MYO16: variants seen among roughly 807,000 people sequenced by gnomAD.
MYO16 encodes unconventional myosin-XVI.
Under a neutral mutation model 205.3 loss-of-function variants are expected in MYO16, and 94 were observed. The observed-to-expected ratio is 0.46, with a 90% CI of 0.39 to 0.54. The LOEUF (loss-of-function observed/expected upper bound fraction) is 0.54, where lower values mean the gene tolerates loss of function less well. MYO16 is among the 20% of genes least tolerant of loss of function. MYO16 has a pLI of 0.00. For missense variants in MYO16, 2,315 were observed against 2,387.5 expected (o/e 0.97, Z 0.63); for synonymous variants, 988 against 954.0 (o/e 1.04, Z -0.66).
chr13:108,698,588 A>G (rs749806239), intron 2 of MYO16, among the ~76,000 whole-genome samples: 2 of 152,176 alleles, frequency 1.3e-5, no homozygotes, highest in Non-Finnish European at 2.9e-5. Flanking sequence ...ATGCATGATG[A>G]AACTGCAGGG....
chr13:109,178,538 G>A (rs998933905), intron 33 of MYO16, among the ~76,000 whole-genome samples: 8 of 152,228 alleles, frequency 5.3e-5, no homozygotes, highest in Non-Finnish European at 8.8e-5. Flanking sequence ...TTTCAGAGGA[G>A]AGTAGTAATC....
At chr13:108,506,689 G>T in the MYO16 span, among the ~76,000 whole-genome samples, 5 of 152,004 alleles carry the variant, frequency 3.3e-5, no homozygotes, top group African/African-American at 4.8e-5. Context: ...TTCTTGTCTA[G>T]TTTCTCTGGT....
At chr13:109,186,023 A>C (rs1428606172) in intron 34 of MYO16, among the ~76,000 whole-genome samples, 1 of 152,032 alleles carries the variant, frequency 6.6e-6, no homozygotes, top group African/African-American at 2.4e-5. Flanking sequence ...TGAAATGTAC[A>C]GACTTTAGGG....
chr13:108,674,986 A>G (rs377728558), intron 2 of MYO16, among the ~76,000 whole-genome samples: 1 of 152,172 alleles, frequency 6.6e-6, no homozygotes, highest in African/African-American at 2.4e-5. Flanking sequence ...GAGAGAGGGA[A>G]GTGGCAGCTT....
At chr13:109,058,933 C>A (rs1397595465) in intron 27 of MYO16, among the ~76,000 whole-genome samples, 1 of 152,164 alleles carries the variant, frequency 6.6e-6, no homozygotes, top group Non-Finnish European at 1.5e-5. Context: ...TTCACAGCAT[C>A]TTCACCAGTA....
chr13:108,764,675 A>G (rs1480590154), intron 4 of MYO16, among the ~76,000 whole-genome samples: 1 of 152,170 alleles, frequency 6.6e-6, no homozygotes, highest in African/African-American at 2.4e-5. Flanking sequence ...CCTGGAACCC[A>G]TGATTTCTTT....
At chr13:108,948,367 G>A (rs1182737053) in intron 16 of MYO16, among the ~76,000 whole-genome samples, 1 of 152,212 alleles carries the variant, frequency 6.6e-6, no homozygotes, top group African/African-American at 2.4e-5. Flanking sequence ...TGTACTCTGC[G>A]AGTCTCTGAC....
intron 28 of MYO16, among the ~76,000 whole-genome samples, chr13:109,114,783 C>T (rs1413719013): frequency 6.6e-6 from 1 of 152,190 alleles, no homozygotes; most frequent in African/African-American, 2.4e-5. Flanking sequence ...TGAGCTTTCT[C>T]CTTTACTTTA....
intron 6 of MYO16, among the ~76,000 whole-genome samples, chr13:108,803,053 T>A (rs1887013124): frequency 6.6e-6 from 1 of 152,208 alleles, no homozygotes. Flanking sequence ...GTATCTTTAG[T>A]GTCTTTTTAT....
the MYO16 span, among the ~76,000 whole-genome samples, chr13:108,522,884 C>T: frequency 7.2e-4 from 110 of 152,092 alleles, 1 homozygote; most frequent in Admixed American, 7.1e-3. Context: ...CTGCAATGAC[C>T]CTACTTGGAA....
At chr13:108,642,670 G>A (rs1480090076) in intron 1 of MYO16, among the ~76,000 whole-genome samples, 3 of 152,038 alleles carry the variant, frequency 2.0e-5, no homozygotes, top group Non-Finnish European at 4.4e-5. Context: ...TGCTCGCCTA[G>A]GCCTCCCAAA....
At chr13:109,042,023 C>A (rs948414065) in intron 23 of MYO16, among the ~76,000 whole-genome samples, 7 of 152,210 alleles carry the variant, frequency 4.6e-5, no homozygotes, top group African/African-American at 1.7e-4. Context: ...TACCACCACA[C>A]CTGGCTAGTT....
At chr13:109,145,856 G>C (rs777076277) in intron 32 of MYO16, among the ~76,000 whole-genome samples, 4 of 152,108 alleles carry the variant, frequency 2.6e-5, no homozygotes, top group African/African-American at 7.2e-5. Context: ...AGGAAGACAG[G>C]GTCTTGACAA....
intron 23 of MYO16, among the ~76,000 whole-genome samples, chr13:109,023,692 T>C (rs1049655046): frequency 8.5e-6 from 1 of 117,644 alleles, no homozygotes; most frequent in African/African-American, 2.9e-5. Flanking sequence ...TATACATATA[T>C]ATGTATATAT....
At chr13:108,950,705 A>G (rs1883110980) in intron 16 of MYO16, among the ~76,000 whole-genome samples, 1 of 152,218 alleles carries the variant, frequency 6.6e-6, no homozygotes, top group African/African-American at 2.4e-5. Context: ...CATCCGACCA[A>G]GAGAAGTGAA....
Position 109,055,908 on chromosome 13 carries a change from A to G in MYO16, c.3335+313A>G. 4.7e-6 allele frequency: 1 copy of G among 212,130 alleles called. No homozygotes were observed. The highest frequency in any genetic ancestry group is 9.5e-6 in the Non-Finnish European group (1 of 104,770). The allele number at this position is 212,130 out of a possible 1,614,324, so 13.1% of individuals were successfully genotyped here. ...ATGTGATATTTACTATTTATTATTT[A>G]AAAGGAGAATGTATGTAAGTGATTA... is the stretch of plus-strand genomic sequence containing the variant. On this transcript the variant is annotated intron_variant, in intron 27 of 34. Transcript: ENST00000457511. This position sits in a 1 kb window ranked among gnomAD's most constrained non-coding sequence, Gnocchi z 5.0.
chr13:108,934,620 A>G (rs1577934), intron 16 of MYO16, among the ~76,000 whole-genome samples: 120,376 of 151,948 alleles, frequency 0.79, 51,019 homozygotes, highest in Non-Finnish European at 0.95. Context: ...TCACTTGTCA[A>G]TTTTTGTTTT....
At chr13:109,091,548 A>G (rs1888623679) in intron 27 of MYO16, among the ~76,000 whole-genome samples, 1 of 152,158 alleles carries the variant, frequency 6.6e-6, no homozygotes, top group East Asian at 1.9e-4. Flanking sequence ...CACAGTCACC[A>G]AATCCCACAG....
intron 23 of MYO16, among the ~76,000 whole-genome samples, chr13:109,042,051 G>T (rs2139581735): frequency 6.6e-6 from 1 of 152,070 alleles, no homozygotes; most frequent in East Asian, 1.9e-4. Flanking sequence ...TTTTAGTAGA[G>T]ACAGGTTTTG....
Sources: allele counts gnomAD v4.1 joint callset (sites outside exome capture counted in the v4.1 genomes callset), GRCh38; gene constraint gnomAD v4.1.1; non-coding constraint Gnocchi (gnomAD v3.1); transcripts MANE v1.5; gene names NCBI Gene and HGNC (gene_info 2026-07-23, HGNC 2026-07-21).